Variants in LRP6 observed in about 807,000 individuals in gnomAD.
LRP6 encodes low-density lipoprotein receptor-related protein 6.
In LRP6, 43 loss-of-function variants were observed where a neutral mutation model predicts 184.1. The ratio of observed to expected loss-of-function variants is 0.23; its 90% CI spans 0.18 to 0.30. The LOEUF is 0.30. Ranked by LOEUF, LRP6 falls within the 10% of genes least tolerant of loss-of-function variation. The pLI is 1.00. For missense variants in LRP6, 1,571 were observed against 2,005.3 expected, an observed-to-expected ratio of 0.78 and a Z score of 4.14; for synonymous variants, 719 against 684.9, an observed-to-expected ratio of 1.05 and a Z score of -0.78.
At chr12:12,209,649 A>C (rs374622147) in intron 2 of LRP6, among the ~76,000 whole-genome samples, 3 of 152,346 alleles carry the variant, frequency 2.0e-5, no homozygotes, top group East Asian at 3.8e-4. Context: ...TGTAACCGAA[A>C]AAGCGATTAG....
intron 2 of LRP6, among the ~76,000 whole-genome samples, chr12:12,217,445 T>G (rs1864378073): frequency 6.6e-6 from 1 of 152,044 alleles, no homozygotes; most frequent in African/African-American, 2.4e-5. Context: ...AATGTAATAA[T>G]AATAGAAATA....
chr12:12,131,715 T>G, intron 18 of LRP6, 106 bp downstream of exon 18: 1 of 862,130 alleles, frequency 1.2e-6, no homozygotes, highest in Middle Eastern at 2.2e-4. Context: ...TACAGTCATA[T>G]GTACTTGAAA....
chr12:12,184,147 A>C (rs1438086682), intron 4 of LRP6, 36 bp from the exon 5 acceptor site: 1 of 1,562,760 alleles, frequency 6.4e-7, no homozygotes, highest in East Asian at 2.2e-5. Context: ...AATATCAATG[A>C]TTACTAAGTA....
chr12:12,195,676 T>C (rs1186229454), intron 3 of LRP6, among the ~76,000 whole-genome samples: 3 of 152,144 alleles, frequency 2.0e-5, no homozygotes, highest in South Asian at 2.1e-4. Context: ...CTTTGCTCTG[T>C]AGAAGCTTTT....
At position 12,126,839 on chromosome 12, in the gene LRP6, T is replaced by A; in HGVS notation, c.4164A>T (p.Gly1388=). The A allele has an allele frequency of 5.0e-6, 8 of 1,614,144 alleles. No individual in the cohort carries two copies. Among genetic ancestry groups the A allele is most frequent in the Non-Finnish European group, 6.8e-6 (8 of 1,179,996 alleles). ...IGVIVTIFVS[G]TVYFICQRML... is the part of the protein sequence containing the mutation. ...TCCTCTGGCAGATAAAGTATACAGT[T>A]CCAGACACAAAAATGGTGACAATTA... Residue 1388 remains glycine (G), a synonymous_variant, in exon 20 of 23, where the codon GGA becomes GGT. Transcript: ENST00000261349.
chr12:12,155,928 G>A (rs1950145835), intron 12 of LRP6, among the ~76,000 whole-genome samples: 1 of 151,842 alleles, frequency 6.6e-6, no homozygotes, highest in Non-Finnish European at 1.5e-5. Flanking sequence ...ATAATTTCTT[G>A]AGTATCTACC....
chr12:12,160,335 T>C (rs1862709559), intron 10 of LRP6, among the ~76,000 whole-genome samples: 1 of 152,230 alleles, frequency 6.6e-6, no homozygotes, highest in African/African-American at 2.4e-5. Context: ...CTGAGTAAAA[T>C]ATTTTTATAT....
chr12:12,240,055 G>GACAC (rs917235334), intron 2 of LRP6, among the ~76,000 whole-genome samples: 2 of 149,580 alleles, frequency 1.3e-5, no homozygotes, highest in Non-Finnish European at 3.0e-5. Context: ...CACACAAAGA[G>GACAC]ACACACACCA....
chr12:12,251,783 T>A (rs2135931387), intron 1 of LRP6, among the ~76,000 whole-genome samples: 1 of 152,358 alleles, frequency 6.6e-6, no homozygotes, highest in African/African-American at 2.4e-5. Context: ...ATGCTGACTT[T>A]ATCATGTCCT....
chr12:12,205,681 G>T (rs1316585894), intron 2 of LRP6, among the ~76,000 whole-genome samples: 1 of 152,194 alleles, frequency 6.6e-6, no homozygotes, highest in African/African-American at 2.4e-5. Context: ...AGAAAACTGA[G>T]AAATGTAAGC....
chr12:12,210,626 C>T (rs543281579), intron 2 of LRP6, among the ~76,000 whole-genome samples: 1 of 152,278 alleles, frequency 6.6e-6, no homozygotes, highest in East Asian at 1.9e-4. Context: ...TTGAGCCATG[C>T]TAATTCTAAG....
intron 2 of LRP6, among the ~76,000 whole-genome samples, chr12:12,230,971 A>G (rs960859066): frequency 7.4e-4 from 113 of 151,934 alleles, no homozygotes; most frequent in African/African-American, 2.6e-3. Context: ...TCACAAGGTC[A>G]GGAGTTCGCG....
In LRP6 at chr12:12,244,408, T is replaced by C. The variant is rs770091160; in HGVS notation, c.303A>G (p.Ala101=). ...VSGLLSPDGL[A]CDWLGEKLYW... ...ACAATTTTTCTCCAAGCCAATCACA[T>C]GCCAGCCCATCGGGGGACAATAATC... is the stretch of plus-strand genomic sequence containing the variant. The change falls in exon 2 of 23, where the codon GCA becomes GCG. Residue 101 remains alanine, a synonymous_variant. Transcript: ENST00000261349. The C allele has an allele frequency of 1.2e-6, 2 of 1,614,236 alleles. No homozygotes were observed. Among genetic ancestry groups the C allele is most frequent in the East Asian group, 2.2e-5 (1 of 44,886 alleles).
At chr12:12,128,168 A>G (rs1565531838) in intron 19 of LRP6, among the ~76,000 whole-genome samples, 1 of 152,170 alleles carries the variant, frequency 6.6e-6, no homozygotes, top group Admixed American at 6.5e-5. Context: ...ACTATTTGCC[A>G]TATTCAATAT....
chr12:12,236,724 A>G (rs1289707508), intron 2 of LRP6, among the ~76,000 whole-genome samples: 2 of 152,220 alleles, frequency 1.3e-5, no homozygotes, highest in African/African-American at 2.4e-5. Context: ...GAACTCCGGG[A>G]AACACTTTAT....
At chr12:12,253,850 A>G (rs890626321) in intron 1 of LRP6, among the ~76,000 whole-genome samples, 1 of 152,106 alleles carries the variant, frequency 6.6e-6, no homozygotes, top group Non-Finnish European at 1.5e-5. Context: ...TCTTCAATAA[A>G]AAAGGGCTAT....
intron 1 of LRP6, among the ~76,000 whole-genome samples, chr12:12,247,642 G>T (rs1481020985): frequency 6.6e-6 from 1 of 152,180 alleles, no homozygotes; most frequent in African/African-American, 2.4e-5. Context: ...TCTGATGCTT[G>T]AATACTTTCT....
chr12:12,130,347 G>T (rs751815589), intron 19 of LRP6, among the ~76,000 whole-genome samples: 47 of 151,968 alleles, frequency 3.1e-4, no homozygotes, highest in Non-Finnish European at 5.9e-4. Flanking sequence ...CACCACGCCT[G>T]GCTAATTTTT....
intron 2 of LRP6, among the ~76,000 whole-genome samples, chr12:12,214,654 T>G (rs1181334): frequency 0.85 from 129,532 of 152,184 alleles, 55,333 homozygotes; most frequent in East Asian, 0.95. Context: ...CTTTTTCCTT[T>G]AACTATCAGA....
Sources: gnomAD v4.1 joint callset for allele counts (sites outside exome capture counted in the v4.1 genomes callset) on GRCh38, gnomAD v4.1.1 for gene constraint, MANE v1.5 for transcripts, NCBI Gene and HGNC (gene_info 2026-07-23, HGNC 2026-07-21) for gene names.